The following RNGTT variants were observed in gnomAD, a reference collection of about 807,000 sequenced individuals.
The protein encoded by RNGTT is mRNA-capping enzyme.
In RNGTT, 33 loss-of-function variants were observed where a neutral mutation model predicts 79.3. The ratio of observed to expected loss-of-function variants is 0.42; its 90% CI spans 0.32 to 0.56. The LOEUF (loss-of-function observed/expected upper bound fraction) is 0.56. RNGTT is among the 20% of genes least tolerant of loss of function. The pLI is 0.17. For synonymous variants in RNGTT, 222 were observed against 235.9 expected, an observed-to-expected ratio of 0.94 and a Z score of 0.54; for missense variants, 497 against 739.1, an observed-to-expected ratio of 0.67 and a Z score of 3.80.
intron 4 of RNGTT, among the ~76,000 whole-genome samples, chr6:88,920,216 G>C (rs960699098): frequency 1.3e-5 from 2 of 152,154 alleles, no homozygotes; most frequent in South Asian, 2.1e-4. Flanking sequence ...ATCCCCCTCA[G>C]ATACCAAAAT....
intron 12 of RNGTT, among the ~76,000 whole-genome samples, chr6:88,800,637 T>C (rs1359095989): frequency 1.3e-5 from 2 of 152,166 alleles, no homozygotes; most frequent in African/African-American, 4.8e-5. Context: ...TTGGAGAACT[T>C]GTCAAAACAC....
intron 2 of RNGTT, among the ~76,000 whole-genome samples, chr6:88,937,518 A>T (rs1312902768): frequency 6.7e-6 from 1 of 149,550 alleles, no homozygotes; most frequent in African/African-American, 2.5e-5. Flanking sequence ...CATTTTGTTG[A>T]TTCTTTGTAT....
intron 1 of RNGTT, among the ~76,000 whole-genome samples, chr6:88,944,241 T>C (rs1438100371): frequency 6.6e-6 from 1 of 152,254 alleles, no homozygotes; most frequent in Non-Finnish European, 1.5e-5. Context: ...GTATTGTTAT[T>C]ATTCCTCGTT....
chr6:88,961,325 G>A (rs984248484), intron 1 of RNGTT, among the ~76,000 whole-genome samples: 1 of 151,652 alleles, frequency 6.6e-6, no homozygotes, highest in Non-Finnish European at 1.5e-5. Flanking sequence ...ACGTCTGTAT[G>A]TGTGTGTGTG....
chr6:88,723,777 T>G (rs1177309545), intron 13 of RNGTT, among the ~76,000 whole-genome samples: 2 of 152,238 alleles, frequency 1.3e-5, no homozygotes, highest in Admixed American at 1.3e-4. Context: ...CAGACTGGAG[T>G]GCAGTGGTGC....
intron 8 of RNGTT, among the ~76,000 whole-genome samples, chr6:88,884,205 C>T (rs1416605000): frequency 6.6e-6 from 1 of 152,158 alleles, no homozygotes; most frequent in Non-Finnish European, 1.5e-5. Flanking sequence ...CACAGTTATT[C>T]ATCACAGCAT....
chr6:88,892,629 C>A (rs929065259), intron 6 of RNGTT, among the ~76,000 whole-genome samples: 1 of 151,886 alleles, frequency 6.6e-6, no homozygotes, highest in Non-Finnish European at 1.5e-5. Context: ...ATAAGGAACC[C>A]TTCTGGAAAT....
intron 2 of RNGTT, among the ~76,000 whole-genome samples, chr6:88,929,751 T>C (rs544361304): frequency 6.6e-6 from 1 of 152,052 alleles, no homozygotes; most frequent in South Asian, 2.1e-4. Context: ...TACACCATTT[T>C]ATATCCCAGG....
chr6:88,678,241 C>CA (rs1473477817), intron 14 of RNGTT, 112 bp downstream of exon 14: 6 of 1,436,184 alleles, frequency 4.2e-6, no homozygotes, highest in Non-Finnish European at 5.6e-6. Context: ...TCTTAGCCTC[C>CA]CAAAGTGCTG....
chr6:88,720,501 C>T (rs1368341274), intron 13 of RNGTT, among the ~76,000 whole-genome samples: 1 of 151,982 alleles, frequency 6.6e-6, no homozygotes, highest in African/African-American at 2.4e-5. Flanking sequence ...TCATCCAAAC[C>T]CTGGACTTAA....
intron 11 of RNGTT, among the ~76,000 whole-genome samples, chr6:88,835,832 G>A (rs1303871204): frequency 6.6e-6 from 1 of 151,798 alleles, no homozygotes; most frequent in African/African-American, 2.4e-5. Context: ...GTACCAGAAA[G>A]TTTTAGAAAG....
At chr6:88,809,527 T>C (rs1008107620) in intron 11 of RNGTT, among the ~76,000 whole-genome samples, 2 of 152,104 alleles carry the variant, frequency 1.3e-5, no homozygotes, top group Admixed American at 6.6e-5. Flanking sequence ...CAAAGTATAT[T>C]CTCTGATCAT....
At chr6:88,795,016 G>A (rs1262132064) in intron 12 of RNGTT, among the ~76,000 whole-genome samples, 2 of 152,136 alleles carry the variant, frequency 1.3e-5, no homozygotes, top group Non-Finnish European at 2.9e-5. Context: ...ACAGGTTGAT[G>A]ATCAGGACCT....
chr6:88,844,293 T>C, intron 11 of RNGTT, 64 bp downstream of exon 11: 1 of 1,454,382 alleles, frequency 6.9e-7, no homozygotes, highest in Non-Finnish European at 9.4e-7. Context: ...GTCATTCATA[T>C]TCATCTTGTA....
chr6:88,744,703 A>G (rs1187362106), intron 13 of RNGTT, among the ~76,000 whole-genome samples: 1 of 152,180 alleles, frequency 6.6e-6, no homozygotes, highest in Non-Finnish European at 1.5e-5. Context: ...TTGATTCTTA[A>G]TAAGACAAAG....
chr6:88,907,934 T>C (rs566588763), intron 4 of RNGTT, among the ~76,000 whole-genome samples: 1 of 152,032 alleles, frequency 6.6e-6, no homozygotes, highest in African/African-American at 2.4e-5. Context: ...AGGGTCTCAT[T>C]ATGTTGCTCA....
intron 13 of RNGTT, among the ~76,000 whole-genome samples, chr6:88,756,959 C>G (rs1401516314): frequency 6.6e-6 from 1 of 152,126 alleles, no homozygotes; most frequent in Non-Finnish European, 1.5e-5. Context: ...AAAAATTACA[C>G]AATTTTATCA....
At chr6:88,676,877 C>CCAG (rs1774896648) in intron 14 of RNGTT, among the ~76,000 whole-genome samples, 1 of 152,018 alleles carries the variant, frequency 6.6e-6, no homozygotes, top group Non-Finnish European at 1.5e-5. Context: ...ACCACATGAC[C>CCAG]CAGCCATTCC....
At chr6:88,901,666 C>T (rs1342110887) in intron 6 of RNGTT, among the ~76,000 whole-genome samples, 4 of 151,762 alleles carry the variant, frequency 2.6e-5, no homozygotes, top group Non-Finnish European at 5.9e-5. Context: ...GCCACTAGGC[C>T]GAGCTAATTT....
Sources: allele counts gnomAD v4.1 joint callset (sites outside exome capture counted in the v4.1 genomes callset), GRCh38; gene constraint gnomAD v4.1.1; transcripts MANE v1.5; gene names NCBI Gene and HGNC (gene_info 2026-07-23, HGNC 2026-07-21).